Variants in AHDC1 observed in about 807,000 individuals in gnomAD.
AHDC1 encodes transcription factor Gibbin.
A neutral mutation model predicts 87.9 loss-of-function variants in AHDC1; 7 were observed. The ratio of observed to expected loss-of-function variants is 0.08; its 90% CI spans 0.05 to 0.15. AHDC1 has a LOEUF of 0.15. Among genes scored for constraint, AHDC1 ranks in the 10% least tolerant of loss-of-function variants. The pLI, the probability that AHDC1 is intolerant of heterozygous loss-of-function variation, is 1.00. For synonymous variants in AHDC1, 1,051 were observed against 1,006.8 expected (o/e 1.04, Z -0.83); for missense variants, 1,841 against 2,253.2 (o/e 0.82, Z 3.70).
In AHDC1 at chr1:27,550,066, C is replaced by A. The variant is rs1306461921; in HGVS notation, c.2050G>T (p.Ala684Ser). ...CTGAAGGAGCATCGGGCTGACTTGGCCGCATGGCCCCCACCCCGGCCACCA... is the reference window on the plus strand; with the variant it reads ...CTGAAGGAGCATCGGGCTGACTTGGACGCATGGCCCCCACCCCGGCCACCA... ...GFGGRGGGHAAKSARCSFSDF... is the reference protein window; with the variant it reads ...GFGGRGGGHASKSARCSFSDF... The change falls in exon 8 of 9, where the codon GCC becomes TCC. Residue 684 changes from alanine (A) to serine (S), a missense_variant. Ala to Ser is a moderately conservative substitution (Grantham distance 99). Coordinates refer to ENST00000673934, the MANE Select transcript of AHDC1 (RefSeq NM_001371928.1). 6.2e-7 allele frequency: 1 copy of A among 1,606,640 alleles called. No individual in the cohort carries two copies. The highest frequency in any genetic ancestry group is 1.1e-5 in the South Asian group (1 of 90,744).
intron 3 of AHDC1, among the ~76,000 whole-genome samples, chr1:27,571,833 C>T (rs1429466830): frequency 6.6e-6 from 1 of 152,076 alleles, no homozygotes; most frequent in Non-Finnish European, 1.5e-5. Context: ...TTGCGGCAGT[C>T]GCTAATGGCA....
intron 3 of AHDC1, among the ~76,000 whole-genome samples, chr1:27,564,288 G>A (rs377497855): frequency 3.3e-5 from 5 of 152,312 alleles, no homozygotes; most frequent in South Asian, 2.1e-4. Flanking sequence ...GCTTCGGGGA[G>A]GGGGGAAGGG....
At chr1:27,542,304 C>T (rs888016283) in intron 8 of AHDC1, among the ~76,000 whole-genome samples, 2 of 152,186 alleles carry the variant, frequency 1.3e-5, no homozygotes, top group African/African-American at 4.8e-5. Flanking sequence ...GGACTCGGCC[C>T]AATTGCTAAC....
intron 5 of AHDC1, among the ~76,000 whole-genome samples, chr1:27,556,814 CA>C (rs2019836985): frequency 6.6e-6 from 1 of 152,076 alleles, no homozygotes; most frequent in African/African-American, 2.4e-5. Flanking sequence ...TCCCAACCAT[CA>C]GTTCTAATTT....
intron 3 of AHDC1, among the ~76,000 whole-genome samples, chr1:27,591,813 G>C (rs2148474055): frequency 6.6e-6 from 1 of 152,332 alleles, no homozygotes; most frequent in Non-Finnish European, 1.5e-5. Flanking sequence ...GGGTAATAGT[G>C]CCTCTCTCCT....
chr1:27,582,354 C>A (rs1193372485), intron 3 of AHDC1, among the ~76,000 whole-genome samples: 1 of 152,244 alleles, frequency 6.6e-6, no homozygotes, highest in Admixed American at 6.5e-5. Context: ...TTGATTCTCA[C>A]AAGGAATAAC....
rs568086754 is a variant in AHDC1, at chr1:27,536,677, T to A, written c.*44-1761A>T. Among the ~76,000 whole-genome samples, 27 of 152,194 alleles carry A rather than the reference T, an allele frequency of 1.8e-4. 2 individuals are homozygous for A. The highest frequency in any genetic ancestry group is 6.3e-4 in the African/African-American group (26 of 41,506). On this transcript the variant is annotated intron_variant, in intron 8 of 8. Coordinates refer to ENST00000673934, the MANE Select transcript of AHDC1 (RefSeq NM_001371928.1). ...TATCCAGAGGACTGCTCTATTGCGG[T>A]TGAAGAACAGTTGCCAAGCTAAAGA...
chr1:27,548,595 T>C lies in AHDC1; in HGVS notation c.3521A>G (p.Asn1174Ser), dbSNP rs2148267560. ...SESSSDSTQF[N>S]QPVGGGGFRR... is the part of the protein sequence containing the mutation. ...AAACCCCCCGCCACCAACCGGCTGA[T>C]TGAACTGGGTGCTGTCGGAGGATGA... The change falls in exon 8 of 9, where the codon AAT (asparagine) becomes AGT (serine). Residue 1174 changes from asparagine to serine, a missense_variant. By Grantham distance (46) the Asn-to-Ser change is conservative (BLOSUM62 1). Around this residue, in one of 13 missense-constraint regions of AHDC1, gnomAD observed 505 missense variants for 626.2 expected, o/e 0.81. Transcript: ENST00000673934. 2 of 1,613,570 alleles carry C rather than the reference T, an allele frequency of 1.2e-6. No individual in the cohort carries two copies. The highest frequency in any genetic ancestry group is 1.7e-6 in the Non-Finnish European group (2 of 1,180,016).
chr1:27,596,953 C>T (rs55766395), intron 3 of AHDC1, among the ~76,000 whole-genome samples: 3,806 of 152,314 alleles, frequency 0.025, 68 homozygotes, highest in Non-Finnish European at 0.037. Flanking sequence ...GGACACTCGC[C>T]ATCCCTTCTA....
chr1:27,601,599 G>A (rs1019718782), intron 3 of AHDC1, among the ~76,000 whole-genome samples: 4 of 152,246 alleles, frequency 2.6e-5, no homozygotes, highest in Non-Finnish European at 5.9e-5. Context: ...TTACTATCCA[G>A]TTTGATTTTC....
intron 5 of AHDC1, among the ~76,000 whole-genome samples, chr1:27,555,069 T>C (rs1013895325): frequency 2.0e-5 from 3 of 152,204 alleles, no homozygotes; most frequent in African/African-American, 7.2e-5. Context: ...TTCAGCCACT[T>C]CTGAAAATGC....
rs2019207818 is a variant in AHDC1, at chr1:27,547,224, AG to A, written c.*43+36del. The A allele has an allele frequency of 7.2e-7, 1 of 1,385,708 alleles. No homozygotes were observed. Among genetic ancestry groups the A allele is most frequent in the African/African-American group, 1.4e-5 (1 of 69,244 alleles). 85.8% of individuals were successfully genotyped at this position (1,385,708 alleles called of 1,614,324 possible). ...GCTCTGATGTCCTCTTCCCACCCCCAGGCCTCTGCCCACTGCGCCCACATCC... is the reference window on the plus strand; with the variant it reads ...GCTCTGATGTCCTCTTCCCACCCCCAGCCTCTGCCCACTGCGCCCACATCC... On this transcript the variant is annotated intron_variant, in intron 8 of 8. Coordinates refer to ENST00000673934, the MANE Select transcript of AHDC1 (RefSeq NM_001371928.1). The surrounding 1 kb of genome is among the most constrained non-coding windows in gnomAD (Gnocchi z 4.9).
At position 27,558,077 on chromosome 1, in the gene AHDC1, C is replaced by A. The variant is rs1322703164; in HGVS notation, c.-225+228G>T. 6.6e-6 allele frequency among the ~76,000 whole-genome samples: 1 copy of A among 152,224 alleles called. No homozygotes were observed. Among genetic ancestry groups the A allele is most frequent in the South Asian group, 2.1e-4 (1 of 4,834 alleles). ...TTGGAAGTAGGGTGGGGTCCCCAGGCAGGCTCAGCTCTAGGGAGCTTCCTG... is the reference window on the plus strand; with the variant it reads ...TTGGAAGTAGGGTGGGGTCCCCAGGAAGGCTCAGCTCTAGGGAGCTTCCTG... On this transcript the variant is annotated intron_variant, in intron 5 of 8. Transcript: ENST00000673934. This position sits in a 1 kb window ranked among gnomAD's most constrained non-coding sequence, Gnocchi z 5.6.
In AHDC1 at chr1:27,550,526, C is replaced by G. The variant is rs1031025951; in HGVS notation, c.1590G>C (p.Val530=). ...TCTCACCGGGTGGGAAGACCACTAC[C>G]ACGTTCCGCCCATTGTTCTTCATCT... ...LLKMKNNGRN[V]VVVFPPGEMP... The change falls in exon 8 of 9, where the codon GTG becomes GTC. Residue 530 remains valine (V), a synonymous_variant. Transcript: ENST00000673934. 4 of 1,611,152 alleles carry G rather than the reference C, an allele frequency of 2.5e-6. No homozygotes were observed. The highest frequency in any genetic ancestry group is 1.7e-4 in the Middle Eastern group (1 of 6,054).
chr1:27,573,934 A>C (rs192037440), intron 3 of AHDC1, among the ~76,000 whole-genome samples: 1 of 152,324 alleles, frequency 6.6e-6, no homozygotes, highest in Non-Finnish European at 1.5e-5. Context: ...CTTCCAGTAC[A>C]CCAGGGTCTT....
chr1:27,560,870 CATGT>C lies in AHDC1; in HGVS notation c.-628-1991_-628-1988del, dbSNP rs983382051. Among the ~76,000 whole-genome samples, 106 of 152,088 alleles carry C rather than the reference CATGT, an allele frequency of 7.0e-4. No individual in the cohort carries two copies. Among genetic ancestry groups the C allele is most frequent in the African/African-American group, 2.4e-3 (98 of 41,470 alleles). On this transcript the variant is annotated intron_variant, in intron 3 of 8. Coordinates refer to ENST00000673934, the MANE Select transcript of AHDC1 (RefSeq NM_001371928.1). The surrounding 1 kb of genome is among the most constrained non-coding windows in gnomAD (Gnocchi z 4.1). ...CAGTGTGTGAGTGCGTGTGTGCATG[CATGT>C]GAGATACCCTTTGTGAGACGGTGTG... is the stretch of plus-strand genomic sequence containing the variant.
intron 3 of AHDC1, among the ~76,000 whole-genome samples, chr1:27,564,386 C>A (rs2020230763): frequency 1.3e-5 from 2 of 152,238 alleles, no homozygotes; most frequent in African/African-American, 4.8e-5. Flanking sequence ...AGGGCTCCAG[C>A]CCGCCTCCCC....
intron 3 of AHDC1, among the ~76,000 whole-genome samples, chr1:27,578,962 C>T (rs2088833404): frequency 6.6e-6 from 1 of 151,742 alleles, no homozygotes; most frequent in Non-Finnish European, 1.5e-5. Context: ...TCCCAAAGTG[C>T]TGGGATTACA....
At chr1:27,559,829 G>C (rs1028364051) in intron 3 of AHDC1, among the ~76,000 whole-genome samples, 4 of 152,190 alleles carry the variant, frequency 2.6e-5, no homozygotes, top group Non-Finnish European at 5.9e-5. Flanking sequence ...GAGCCCAGAG[G>C]GGGTCTGGGA....
Sources: allele counts gnomAD v4.1 joint callset (sites outside exome capture counted in the v4.1 genomes callset), GRCh38; gene constraint gnomAD v4.1.1; regional missense constraint gnomAD v4.1.1; non-coding constraint Gnocchi (gnomAD v3.1); transcripts MANE v1.5; gene names NCBI Gene and HGNC (gene_info 2026-07-23, HGNC 2026-07-21).